SLC2A14: variants seen among roughly 807,000 people sequenced by gnomAD.
SLC2A14 encodes the protein solute carrier family 2, facilitated glucose transporter member 14.
In SLC2A14, 13 loss-of-function variants were observed where a neutral mutation model predicts 43.0. The ratio of observed to expected loss-of-function variants is 0.30; its 90% CI spans 0.20 to 0.48. SLC2A14 has a LOEUF of 0.48. Ranked by LOEUF, SLC2A14 falls within the 20% of genes least tolerant of loss-of-function variation. The probability of loss-of-function intolerance (pLI) is 0.99; values close to 1 mark genes in which losing one functional copy is unlikely to be tolerated. For missense variants in SLC2A14, 428 were observed against 620.4 expected (o/e 0.69, Z 3.29); for synonymous variants, 190 against 233.8 (o/e 0.81, Z 1.71).
At chr12:7,837,011 AC>A (rs1865514898) in intron 2 of SLC2A14, among the ~76,000 whole-genome samples, 2 of 151,742 alleles carry the variant, frequency 1.3e-5, no homozygotes, top group African/African-American at 4.8e-5. Context: ...TAATAAAAAT[AC>A]AAAAATTATC....
chr12:7,834,917 G>T (rs954327820), intron 2 of SLC2A14, among the ~76,000 whole-genome samples: 1 of 152,038 alleles, frequency 6.6e-6, no homozygotes, highest in East Asian at 1.9e-4. Context: ...TGTGCTTCGA[G>T]AGACTGGTTG....
rs1864504989 is a variant in SLC2A14 at position 7,826,983 on chromosome 12, C to CTCT, written c.864+511_864+512insAGA. ...TCTCTCTTTCTCTCTCTCTTTCTCTCCTTTCTCTCTTTCTCTCCTTTCTCT... is the reference window on the plus strand; with the variant it reads ...TCTCTCTTTCTCTCTCTCTTTCTCTCTCTCTTTCTCTCTTTCTCTCCTTTCTCT... On this transcript the variant is annotated intron_variant, in intron 7 of 10. Coordinates refer to ENST00000431042, the MANE Select transcript of SLC2A14 (RefSeq NM_001286234.2). 7.8e-4 allele frequency among the ~76,000 whole-genome samples: 7 copies of CTCT among 8,924 alleles called. No homozygotes were observed. In the Admixed American group the frequency reaches 9.9e-3, roughly 13 times the overall value. The allele number at this position is 8,924 out of a possible 152,430, so 5.9% of individuals were successfully genotyped here. A position where few individuals can be genotyped will look rare whatever the true frequency, so the allele number is the denominator to read the frequency against.
chr12:7,865,257 G>C (rs4430583), intron 2 of SLC2A14, among the ~76,000 whole-genome samples: 77,848 of 152,036 alleles, frequency 0.51, 20,075 homozygotes, highest in East Asian at 0.66. Flanking sequence ...AGCCAGGCAG[G>C]CTGGGCACGG....
intron 2 of SLC2A14, among the ~76,000 whole-genome samples, chr12:7,835,696 A>T (rs1208622040): frequency 2.6e-5 from 4 of 152,240 alleles, no homozygotes; most frequent in African/African-American, 9.6e-5. Context: ...CATTGAGGTA[A>T]AGACAGGGAA....
At position 7,843,044 on chromosome 12, in the gene SLC2A14, A is replaced by G. The variant is rs974284216; in HGVS notation, c.19-10230T>C. ...CGCCTGGCCACATAAATGTTTTAATATAGGCATGCAATGTAAAATAATCAC... is the reference window on the plus strand; with the variant it reads ...CGCCTGGCCACATAAATGTTTTAATGTAGGCATGCAATGTAAAATAATCAC... On this transcript the variant is annotated intron_variant, in intron 2 of 10. Coordinates refer to ENST00000431042, the MANE Select transcript of SLC2A14 (RefSeq NM_001286234.2). 2.4e-4 allele frequency among the ~76,000 whole-genome samples: 37 copies of G among 152,052 alleles called. 1 individual carries two copies. The highest frequency in any genetic ancestry group is 1.4e-3 in the Admixed American group (21 of 15,256).
At chr12:7,874,855 A>G (rs1228430253), upstream of SLC2A14, among the ~76,000 whole-genome samples, 233 of 115,488 alleles carry the variant, frequency 2.0e-3, 2 homozygotes, top group Non-Finnish European at 3.6e-3. Flanking sequence ...TTATATATAA[A>G]TTATATATAA....
At chr12:7,840,179 T>C (rs1428259386) in intron 2 of SLC2A14, among the ~76,000 whole-genome samples, 6 of 133,180 alleles carry the variant, frequency 4.5e-5, no homozygotes, top group African/African-American at 1.4e-4. Flanking sequence ...TTTTTTTTTT[T>C]TTTTTTTGCC....
chr12:7,889,263 C>T (rs1466884457), intron 1 of SLC2A14, among the ~76,000 whole-genome samples: 21 of 120,146 alleles, frequency 1.7e-4, no homozygotes, highest in Admixed American at 1.6e-3. Context: ...GACTGAGTTT[C>T]GCTCTTGTTG....
chr12:7,885,364 C>T (rs994467583), intron 1 of SLC2A14, among the ~76,000 whole-genome samples: 1 of 152,092 alleles, frequency 6.6e-6, no homozygotes, highest in African/African-American at 2.4e-5. Flanking sequence ...ACTCGGGACG[C>T]TGAGGCGGGA....
intron 2 of SLC2A14, among the ~76,000 whole-genome samples, chr12:7,859,551 G>C (rs971159651): frequency 2.0e-5 from 3 of 152,172 alleles, no homozygotes; most frequent in Non-Finnish European, 4.4e-5. Context: ...TGGAAAACAA[G>C]ATGATTGGAA....
chr12:7,887,574 T>C (rs937841279), intron 1 of SLC2A14, among the ~76,000 whole-genome samples: 1 of 131,316 alleles, frequency 7.6e-6, no homozygotes, highest in Non-Finnish European at 1.6e-5. Context: ...GATAGATAGA[T>C]AGATAGATAG....
At chr12:7,856,316 C>T (rs1398629008) in intron 2 of SLC2A14, 1 of 152,072 alleles carries the variant, frequency 6.6e-6, no homozygotes, top group Non-Finnish European at 1.5e-5. Context: ...TAATCTCCCA[C>T]GAGCGGGGGA....
chr12:7,861,970 A>AAC lies in SLC2A14; in HGVS notation c.18+7892_18+7893insGT, dbSNP rs774322670. Among the ~76,000 whole-genome samples, 463 of 147,738 alleles carry AAC rather than the reference A, an allele frequency of 3.1e-3. 5 individuals carry two copies. The highest frequency in any genetic ancestry group is 0.01 in the African/African-American group (411 of 39,958). ...GAGCGAGACTCCATTTCAAAAAAAA[A>AAC]AAAACAAAAACAAAGGCCAGTGTGG... On this transcript the variant is annotated intron_variant, in intron 2 of 10. Transcript: ENST00000431042.
upstream of SLC2A14, among the ~76,000 whole-genome samples, chr12:7,874,979 ATT>A (rs1168656393): frequency 2.4e-3 from 102 of 42,868 alleles, 1 homozygote; most frequent in Non-Finnish European, 3.8e-3. Flanking sequence ...ATATAAATAT[ATT>A]TATATATAAA....
chr12:7,882,253 T>G (rs1338281063), intron 1 of SLC2A14, among the ~76,000 whole-genome samples: 2 of 151,598 alleles, frequency 1.3e-5, no homozygotes, highest in African/African-American at 2.4e-5. Context: ...CCAGACGGGT[T>G]GCCTTAAGAG....
intron 6 of SLC2A14, among the ~76,000 whole-genome samples, chr12:7,828,480 C>A (rs367686971): frequency 6.6e-6 from 1 of 151,872 alleles, no homozygotes; most frequent in Admixed American, 6.6e-5. Flanking sequence ...ACCCAGGAGG[C>A]GGAGGTTGCA....
Position 7,832,804 on chromosome 12 carries a change from G to T in SLC2A14, c.29C>A (p.Ala10Asp). Residue 10 changes from alanine (A) to aspartate (D), a missense_variant, in exon 3 of 11, where the codon GCT becomes GAT. By Grantham distance (126) the Ala-to-Asp change is moderately radical. Around this residue, in one of 4 missense-constraint regions of SLC2A14, gnomAD observed 122 missense variants for 128.8 expected, o/e 0.95. Coordinates refer to ENST00000431042, the MANE Select transcript of SLC2A14 (RefSeq NM_001286234.2). MDNRQNVTP[A>D]LIFAITVATI... is the part of the protein sequence containing the mutation. ...AGCAACTGTGATGGCAAAGATCAGA[G>T]CTGGGGTGACCTGGAGAGACAGAGG... 6.2e-7 allele frequency: 1 copy of T among 1,614,172 alleles called. No homozygotes were observed. Among genetic ancestry groups the T allele is most frequent in the Non-Finnish European group, 8.5e-7 (1 of 1,180,028 alleles).
intron 1 of SLC2A14, chr12:7,871,294 C>T (rs1248110034): frequency 6.2e-6 from 7 of 1,120,058 alleles, no homozygotes; most frequent in South Asian, 2.8e-5. Context: ...CTGGGAGGCA[C>T]CCATTGATAA....
intron 7 of SLC2A14, among the ~76,000 whole-genome samples, chr12:7,822,511 AAAAC>A (rs1164860889): frequency 6.6e-6 from 1 of 151,764 alleles, no homozygotes; most frequent in African/African-American, 2.4e-5. Context: ...TAAAAATACA[AAAAC>A]AAAATTAGCC....
Sources: gnomAD v4.1 joint callset for allele counts (sites outside exome capture counted in the v4.1 genomes callset) on GRCh38, gnomAD v4.1.1 for gene constraint, gnomAD v4.1.1 regional missense constraint, MANE v1.5 for transcripts, NCBI Gene and HGNC (gene_info 2026-07-23, HGNC 2026-07-21) for gene names.